Variants in PIGN observed in about 807,000 individuals in gnomAD.
The protein encoded by PIGN is GPI ethanolamine phosphate transferase 1.
Under a neutral mutation model 125.4 loss-of-function variants are expected in PIGN, and 117 were observed. The observed-to-expected ratio is 0.93, with a 90% CI of 0.80 to 1.09. The LOEUF (loss-of-function observed/expected upper bound fraction) is 1.09, where lower values mean the gene tolerates loss of function less well. Among genes scored for constraint, PIGN ranks in the 50% least tolerant of loss-of-function variants. The pLI is 0.00. For synonymous variants in PIGN, 392 were observed against 377.8 expected, an observed-to-expected ratio of 1.04 and a Z score of -0.44; for missense variants, 1,075 against 1,094.9, an observed-to-expected ratio of 0.98 and a Z score of 0.26.
chr18:62,153,261 G>A (rs1355846855), intron 7 of PIGN, among the ~76,000 whole-genome samples: 1 of 152,128 alleles, frequency 6.6e-6, no homozygotes, highest in Non-Finnish European at 1.5e-5. Flanking sequence ...TTCTTGGTCT[G>A]TATTTTTCCT....
chr18:62,131,907 C>A (rs2035753228), intron 14 of PIGN, among the ~76,000 whole-genome samples: 1 of 152,096 alleles, frequency 6.6e-6, no homozygotes, highest in African/African-American at 2.4e-5. Flanking sequence ...TGAAATTAAT[C>A]ATGTCACGAA....
intron 8 of PIGN, 130 bp downstream of exon 8, chr18:62,148,084 T>C (rs1191427069): frequency 1.6e-6 from 1 of 641,704 alleles, no homozygotes; most frequent in African/African-American, 1.9e-5. Flanking sequence ...ATTGAGAACT[T>C]AATAAACATT....
intron 19 of PIGN, among the ~76,000 whole-genome samples, chr18:62,106,296 CA>C (rs1433482532): frequency 6.6e-6 from 1 of 151,712 alleles, no homozygotes; most frequent in Non-Finnish European, 1.5e-5. Context: ...TGTAGAAGCA[CA>C]TTGTAATTCC....
chr18:62,052,233 C>T (rs1410207095), intron 30 of PIGN: 2 of 151,766 alleles, frequency 1.3e-5, no homozygotes, highest in East Asian at 1.9e-4. Context: ...TGGTGCAGAG[C>T]TGAGTTCAAT....
chr18:62,126,001 C>T (rs1347698881), intron 14 of PIGN, among the ~76,000 whole-genome samples: 5 of 151,870 alleles, frequency 3.3e-5, no homozygotes, highest in African/African-American at 1.2e-4. Flanking sequence ...TAGAACCCAT[C>T]AAGGGTTTTA....
At chr18:62,155,713 T>C (rs2036705198) in intron 6 of PIGN, among the ~76,000 whole-genome samples, 1 of 151,654 alleles carries the variant, frequency 6.6e-6, no homozygotes, top group Non-Finnish European at 1.5e-5. Context: ...GTTTGCTGTT[T>C]ACTACAAGAT....
chr18:62,085,473 C>T (rs775963162), intron 25 of PIGN, among the ~76,000 whole-genome samples: 12 of 152,072 alleles, frequency 7.9e-5, no homozygotes, highest in Non-Finnish European at 1.8e-4. Context: ...AATAATGAGG[C>T]CTGAGAGGTC....
At chr18:62,101,255 C>T in intron 21 of PIGN, 72 bp from the exon 22 acceptor site, 1 of 828,424 alleles carries the variant, frequency 1.2e-6, no homozygotes, top group South Asian at 1.5e-5. Context: ...GAATGTAAGA[C>T]ATTCTTATTT....
downstream of PIGN, among the ~76,000 whole-genome samples, chr18:62,037,961 G>A (rs1008407394): frequency 6.6e-6 from 1 of 152,164 alleles, no homozygotes; most frequent in African/African-American, 2.4e-5. Context: ...TTCTCCAGTA[G>A]CACCTATGAG....
chr18:62,018,727 G>T (rs957407068), intron 23 of PIGN, among the ~76,000 whole-genome samples: 1 of 152,176 alleles, frequency 6.6e-6, no homozygotes, highest in African/African-American at 2.4e-5. Flanking sequence ...CAGACTGTGG[G>T]TGGCAAGCCC....
intron 16 of PIGN, among the ~76,000 whole-genome samples, chr18:62,110,415 C>G (rs2034830441): frequency 6.6e-6 from 1 of 152,166 alleles, no homozygotes; most frequent in Non-Finnish European, 1.5e-5. Flanking sequence ...GCTATCTAAG[C>G]TTCTCTCTCT....
chr18:62,184,604 G>A (rs2037831776), intron 1 of PIGN: 1 of 152,162 alleles, frequency 6.6e-6, no homozygotes, highest in Non-Finnish European at 1.5e-5. Context: ...GGCAGAAATA[G>A]AAGCAGAAAA....
intron 14 of PIGN, among the ~76,000 whole-genome samples, chr18:62,130,455 A>T (rs1476431930): frequency 6.6e-6 from 1 of 152,164 alleles, no homozygotes; most frequent in Non-Finnish European, 1.5e-5. Flanking sequence ...GTAATTTGTG[A>T]GGAAAAATTT....
At chr18:62,124,354 A>G (rs1437465728) in intron 14 of PIGN, among the ~76,000 whole-genome samples, 1 of 152,164 alleles carries the variant, frequency 6.6e-6, no homozygotes, top group Non-Finnish European at 1.5e-5. Context: ...CCCTTTAAAA[A>G]CATAAAGGTA....
chr18:62,083,622 T>TCTTG (rs746331738), intron 27 of PIGN, among the ~76,000 whole-genome samples: 71 of 152,146 alleles, frequency 4.7e-4, no homozygotes, highest in Admixed American at 1.9e-3. Context: ...TGTCTTTCTT[T>TCTTG]CTTGCTTGCT....
At chr18:62,115,105 A>T (rs1200259183) in intron 14 of PIGN, among the ~76,000 whole-genome samples, 5 of 152,188 alleles carry the variant, frequency 3.3e-5, no homozygotes, top group Admixed American at 3.3e-4. Flanking sequence ...CCAGGCAGAG[A>T]CTAACCACCA....
In PIGN at chr18:62,123,708, T is replaced by C. The variant is rs2146824796; in HGVS notation, c.1173-9069A>G. 1.3e-5 allele frequency among the ~76,000 whole-genome samples: 2 copies of C among 152,308 alleles called. 1 individual carries two copies. Among genetic ancestry groups the C allele is most frequent in the South Asian group, 4.1e-4 (2 of 4,830 alleles). ...GTATTATCCACATCTATTCAGTTTTTGAATTTTAGATATTAAGGGAGAGTT... is the reference window on the plus strand; with the variant it reads ...GTATTATCCACATCTATTCAGTTTTCGAATTTTAGATATTAAGGGAGAGTT... On this transcript the variant is annotated intron_variant, in intron 14 of 30. Transcript: ENST00000640252.
At chr18:62,134,906 C>T (rs151086131) in intron 14 of PIGN, among the ~76,000 whole-genome samples, 4 of 152,158 alleles carry the variant, frequency 2.6e-5, no homozygotes, top group African/African-American at 7.2e-5. Flanking sequence ...TTTTGATGGG[C>T]GGGCGGATGA....
chr18:62,113,655 C>T lies in PIGN; in HGVS notation c.1252-339G>A, dbSNP rs543636735. ...ATAGGTCCCAAATAATGATAATGGC[C>T]ATATTTATATTTTTTCTCATATGAG... On this transcript the variant is annotated intron_variant, in intron 15 of 30. Transcript: ENST00000640252. Among the ~76,000 whole-genome samples the T allele has an allele frequency of 3.4e-4, 51 of 151,908 alleles. No homozygotes were observed. The South Asian group carries it at 6.0e-3, about 18-fold the overall frequency.
Sources: allele counts gnomAD v4.1 joint callset (sites outside exome capture counted in the v4.1 genomes callset), GRCh38; gene constraint gnomAD v4.1.1; transcripts MANE v1.5; gene names NCBI Gene and HGNC (gene_info 2026-07-23, HGNC 2026-07-21).